Variants in CCDC178 observed in about 807,000 individuals in gnomAD.
CCDC178 encodes coiled-coil domain containing 178, also known as coiled-coil domain-containing protein 178.
CCDC178 carries 126 observed loss-of-function variants against 117.4 expected under a neutral mutation model. That is an observed-to-expected ratio of 1.07 (90% CI 0.93 to 1.24). CCDC178 has a LOEUF of 1.24. Among genes scored for constraint, CCDC178 ranks in the 50% most tolerant of loss-of-function variants. The pLI is 0.00. For synonymous variants in CCDC178, 283 were observed against 313.4 expected (o/e 0.90, Z 1.02); for missense variants, 1,030 against 986.9 (o/e 1.04, Z -0.59).
At chr18:33,050,410 A>T (rs1019399325) in intron 21 of CCDC178, among the ~76,000 whole-genome samples, 1 of 152,204 alleles carries the variant, frequency 6.6e-6, no homozygotes, top group East Asian at 1.9e-4. Context: ...GACATTTTTT[A>T]AAAATATCAC....
chr18:33,421,902 C>A (rs1307288643), intron 2 of CCDC178, among the ~76,000 whole-genome samples: 1 of 152,182 alleles, frequency 6.6e-6, no homozygotes, highest in Non-Finnish European at 1.5e-5. Context: ...TCTTCTTAAA[C>A]TCTCTATTTC....
intron 21 of CCDC178, among the ~76,000 whole-genome samples, chr18:33,054,043 T>G (rs535742044): frequency 1.2e-4 from 18 of 152,158 alleles, no homozygotes; most frequent in Non-Finnish European, 2.2e-4. Context: ...GAGCAAGGTG[T>G]CCAGTGCTTT....
At chr18:33,244,035 G>T (rs1476762956) in intron 15 of CCDC178, among the ~76,000 whole-genome samples, 1 of 151,928 alleles carries the variant, frequency 6.6e-6, no homozygotes, top group Admixed American at 6.6e-5. Context: ...TCTCATAGAA[G>T]ATATGATTAA....
At chr18:32,981,984 T>C (rs377481792) in intron 21 of CCDC178, among the ~76,000 whole-genome samples, 378 of 152,310 alleles carry the variant, frequency 2.5e-3, no homozygotes, top group South Asian at 3.7e-3. Flanking sequence ...GTTAAAAATA[T>C]ATTAACCTTA....
intron 20 of CCDC178, among the ~76,000 whole-genome samples, chr18:33,096,514 A>T (rs896360856): frequency 6.6e-6 from 1 of 151,860 alleles, no homozygotes; most frequent in Non-Finnish European, 1.5e-5. Flanking sequence ...ATAAATAACA[A>T]CTGAGACTTA....
At chr18:33,267,682 C>T (rs1229822213) in intron 12 of CCDC178, among the ~76,000 whole-genome samples, 1 of 151,324 alleles carries the variant, frequency 6.6e-6, no homozygotes, top group Non-Finnish European at 1.5e-5. Context: ...ATTAATCATG[C>T]TTTAGGAAAG....
chr18:33,418,520 G>A (rs940110276), intron 2 of CCDC178, among the ~76,000 whole-genome samples: 8 of 151,890 alleles, frequency 5.3e-5, no homozygotes, highest in East Asian at 1.9e-4. Context: ...TAAATAAAAC[G>A]CATCCAAATA....
rs1281409676 is a variant in CCDC178 at position 33,063,603 on chromosome 18, A to G, written c.2388+29158T>C. On this transcript the variant is annotated intron_variant, in intron 21 of 22. Coordinates refer to ENST00000383096, the MANE Select transcript of CCDC178 (RefSeq NM_001105528.4). The stretch of plus-strand genomic sequence containing the variant: ...GGGGCCCAAGGGTTGGCCTGCCACT[A>G]TAACTACCACTACACACGCTGTACA... Among the ~76,000 whole-genome samples, 5 of 152,256 alleles carry G rather than the reference A, an allele frequency of 3.3e-5. No individual in the cohort carries two copies. The South Asian group carries it at 6.2e-4, about 19-fold the overall frequency.
chr18:33,069,200 A>C (rs1426667340), intron 21 of CCDC178, among the ~76,000 whole-genome samples: 2 of 152,162 alleles, frequency 1.3e-5, no homozygotes, highest in Non-Finnish European at 1.5e-5. Context: ...TTTGTATGAA[A>C]CAAAAAAGGC....
At chr18:33,083,612 A>C (rs1007673326) in intron 21 of CCDC178, among the ~76,000 whole-genome samples, 3 of 152,198 alleles carry the variant, frequency 2.0e-5, no homozygotes, top group African/African-American at 7.2e-5. Context: ...ATTTTTTAAA[A>C]TATTCAACAC....
intron 22 of CCDC178, chr18:32,956,878 G>T (rs2054606390): frequency 6.6e-6 from 1 of 152,124 alleles, no homozygotes; most frequent in African/African-American, 2.4e-5. Context: ...CTTTTATAAG[G>T]CAAAGAAAAG....
At chr18:32,988,438 C>CAATA (rs894470755) in intron 21 of CCDC178, among the ~76,000 whole-genome samples, 47 of 151,884 alleles carry the variant, frequency 3.1e-4, no homozygotes, top group Middle Eastern at 3.4e-3. Flanking sequence ...TCCATCTCAA[C>CAATA]AATAAATAAA....
intron 22 of CCDC178, among the ~76,000 whole-genome samples, chr18:32,967,804 T>C (rs571466588): frequency 3.2e-4 from 48 of 151,758 alleles, no homozygotes; most frequent in African/African-American, 1.1e-3. Context: ...ATATAGAATG[T>C]TCTTTTTATA....
intron 21 of CCDC178, among the ~76,000 whole-genome samples, chr18:32,984,789 C>T (rs901428271): frequency 2.6e-5 from 4 of 151,920 alleles, no homozygotes; most frequent in African/African-American, 7.2e-5. Context: ...AATTACATGA[C>T]AGCTAAATAT....
At chr18:33,093,752 A>C (rs965810823) in intron 20 of CCDC178, among the ~76,000 whole-genome samples, 1 of 151,978 alleles carries the variant, frequency 6.6e-6, no homozygotes, top group Non-Finnish European at 1.5e-5. Context: ...AATAGCTCTA[A>C]ATATTTTCAA....
At chr18:33,280,895 T>C (rs1443840948) in intron 12 of CCDC178, among the ~76,000 whole-genome samples, 2 of 152,044 alleles carry the variant, frequency 1.3e-5, no homozygotes, top group Admixed American at 6.6e-5. Context: ...TAGATGGGAA[T>C]TGAACAATGA....
At chr18:32,946,065 G>A (rs1360417462) in intron 22 of CCDC178, among the ~76,000 whole-genome samples, 1 of 152,016 alleles carries the variant, frequency 6.6e-6, no homozygotes, top group Non-Finnish European at 1.5e-5. Context: ...CTTGGTGTTT[G>A]GAATAGGCAT....
rs749760659 is a variant in CCDC178, at chr18:33,245,333, G to A, written c.1505C>T (p.Ala502Val). 2.5e-6 allele frequency: 4 copies of A among 1,608,574 alleles called. No individual in the cohort carries two copies. The highest frequency in any genetic ancestry group is 3.4e-6 in the Non-Finnish European group (4 of 1,177,548). Residue 502 changes from alanine (A) to valine (V), a missense_variant, in exon 15 of 23, where the codon GCT (alanine) becomes GTT (valine). By Grantham distance (64) the Ala-to-Val change is moderately conservative. Coordinates refer to ENST00000383096, the MANE Select transcript of CCDC178 (RefSeq NM_001105528.4). ...GTGGAAAAGAGTACCAATGCGATAA[G>A]CCTCCTTATAGATGTTCTTGAGATG... The part of the protein sequence containing the change: ...DKHLKNIYKE[A>V]YRIGTLFHLT...
At chr18:33,232,178 T>C (rs888891562) in intron 15 of CCDC178, among the ~76,000 whole-genome samples, 1 of 152,178 alleles carries the variant, frequency 6.6e-6, no homozygotes, top group Non-Finnish European at 1.5e-5. Context: ...ACAGTCACCT[T>C]TGACCTGCAG....
Sources: gnomAD v4.1 joint callset for allele counts (sites outside exome capture counted in the v4.1 genomes callset) on GRCh38, gnomAD v4.1.1 for gene constraint, MANE v1.5 for transcripts, NCBI Gene and HGNC (gene_info 2026-07-23, HGNC 2026-07-21) for gene names.